EML6: variants seen among roughly 807,000 people sequenced by gnomAD.
EML6 encodes the protein EMAP like 6, also known as echinoderm microtubule-associated protein-like 6.
A neutral mutation model predicts 240.1 loss-of-function variants in EML6; 154 were observed. The ratio of observed to expected loss-of-function variants is 0.64; its 90% CI spans 0.56 to 0.73. EML6 has a LOEUF of 0.73. Among genes scored for constraint, EML6 ranks in the 30% least tolerant of loss-of-function variants. The pLI is 0.00. For missense variants in EML6, 2,964 were observed against 2,474.6 expected, an observed-to-expected ratio of 1.20 and a Z score of -4.20; for synonymous variants, 1,148 against 899.0, an observed-to-expected ratio of 1.28 and a Z score of -4.95.
At chr2:54,810,119 T>C (rs2578712) in intron 2 of EML6, among the ~76,000 whole-genome samples, 126,857 of 152,182 alleles carry the variant, frequency 0.83, 52,987 homozygotes, top group Middle Eastern at 0.89. Context: ...AAAAAGCTCA[T>C]TTTCTTAATG....
At chr2:54,736,260 G>A (rs1683386727) in intron 2 of EML6, among the ~76,000 whole-genome samples, 1 of 152,220 alleles carries the variant, frequency 6.6e-6, no homozygotes, top group Non-Finnish European at 1.5e-5. Flanking sequence ...ATCATTGCAG[G>A]AGTATTTCAC....
intron 25 of EML6, among the ~76,000 whole-genome samples, chr2:54,914,733 A>G (rs147472731): frequency 2.6e-5 from 4 of 152,264 alleles, no homozygotes; most frequent in Non-Finnish European, 4.4e-5. Flanking sequence ...CCAATATTAT[A>G]AGGCCCTTTG....
At chr2:54,875,025 G>T (rs980156322) in intron 16 of EML6, among the ~76,000 whole-genome samples, 1 of 152,102 alleles carries the variant, frequency 6.6e-6, no homozygotes, top group Non-Finnish European at 1.5e-5. Flanking sequence ...TCCCTTTGCC[G>T]ATGCTAGTGT....
At chr2:54,860,469 A>G (rs115288748) in intron 12 of EML6, among the ~76,000 whole-genome samples, 218 of 152,222 alleles carry the variant, frequency 1.4e-3, no homozygotes, top group African/African-American at 5.0e-3. Flanking sequence ...CTTCTAACCA[A>G]TATGCAACAG....
intron 14 of EML6, 60 bp from the exon 15 acceptor site, chr2:54,869,121 C>T (rs926227642): frequency 4.2e-5 from 50 of 1,197,994 alleles, no homozygotes; most frequent in Non-Finnish European, 5.7e-5. Context: ...TCTGACACCT[C>T]CTGCTCCATG....
chr2:54,732,050 A>G lies in EML6; in HGVS notation c.197+6792A>G, dbSNP rs374766926. Among the ~76,000 whole-genome samples the G allele has an allele frequency of 3.6e-4, 55 of 152,288 alleles. 1 individual carries two copies. The East Asian group carries it at 6.9e-3, about 19-fold the overall frequency. ...TGTGGTTTTAATTTTCATTTCCTTC[A>G]TGACTAATGATATTGATGATCTTTT... On this transcript the variant is annotated intron_variant, in intron 2 of 41. Coordinates refer to ENST00000356458, the MANE Select transcript of EML6 (RefSeq NM_001039753.4).
chr2:54,785,984 G>A (rs893953889), intron 2 of EML6, among the ~76,000 whole-genome samples: 1 of 151,836 alleles, frequency 6.6e-6, no homozygotes, highest in African/African-American at 2.4e-5. Context: ...TTAGGGCATG[G>A]TTATGGCCAG....
At chr2:54,892,701 A>T (rs1398473208) in intron 19 of EML6, 45 bp downstream of exon 19, 1 of 1,474,996 alleles carries the variant, frequency 6.8e-7, no homozygotes, top group East Asian at 2.5e-5. Context: ...CAGCCTTCTA[A>T]AATTATAAGG....
At chr2:54,795,797 C>G (rs1480372753) in intron 2 of EML6, among the ~76,000 whole-genome samples, 1 of 152,150 alleles carries the variant, frequency 6.6e-6, no homozygotes, top group Admixed American at 6.5e-5. Flanking sequence ...GCCTGATTCC[C>G]AGGTGAAAAC....
chr2:54,940,905 A>G (rs867097673), intron 28 of EML6, among the ~76,000 whole-genome samples: 4 of 152,246 alleles, frequency 2.6e-5, no homozygotes, highest in South Asian at 4.1e-4. Context: ...CACTGTGGCT[A>G]TCATGCCTAT....
chr2:54,892,716 C>G (rs1653290925), intron 19 of EML6, 60 bp downstream of exon 19: 2 of 1,350,588 alleles, frequency 1.5e-6, no homozygotes, highest in Admixed American at 2.2e-5. Flanking sequence ...ATAAGGTAGT[C>G]TTAGGATGGC....
intron 33 of EML6, among the ~76,000 whole-genome samples, chr2:54,958,798 C>A (rs1210907587): frequency 3.9e-5 from 6 of 152,142 alleles, no homozygotes; most frequent in Non-Finnish European, 8.8e-5. Context: ...TGGAGTCTGC[C>A]CCATCCCTGC....
intron 17 of EML6, among the ~76,000 whole-genome samples, chr2:54,890,043 A>T (rs189766507): frequency 8.5e-5 from 13 of 152,360 alleles, no homozygotes; most frequent in African/African-American, 3.1e-4. Context: ...AGTCTGAAGC[A>T]TCCTTTAATT....
In EML6 at chr2:54,957,801, G is replaced by A; in HGVS notation, c.4498G>A (p.Ala1500Thr). 1.3e-6 allele frequency: 2 copies of A among 1,549,840 alleles called. No individual in the cohort carries two copies. The highest frequency in any genetic ancestry group is 1.7e-6 in the Non-Finnish European group (2 of 1,146,996). Reference sequence around the variant, plus strand: ...TGTCACCCACACAGGTGCCAAGGTTGCCAGCCGAGGGGGTCACCTGGAGCG... The same window carrying A: ...TGTCACCCACACAGGTGCCAAGGTTACCAGCCGAGGGGGTCACCTGGAGCG... Reference protein sequence around the residue: ...VWRWQEGAKVASRGGHLERIF... With the variant: ...VWRWQEGAKVTSRGGHLERIF... Residue 1500 changes from alanine to threonine, a missense_variant, in exon 33 of 42, where the codon GCC becomes ACC. By Grantham distance (58) the Ala-to-Thr change is moderately conservative (BLOSUM62 0). Coordinates refer to ENST00000356458, the MANE Select transcript of EML6 (RefSeq NM_001039753.4).
chr2:54,879,530 G>T lies in EML6; in HGVS notation c.2345-17G>T, dbSNP rs1422700277. The T allele has an allele frequency of 6.6e-7, 1 of 1,521,380 alleles. No individual in the cohort carries two copies. Among genetic ancestry groups the T allele is most frequent in the Admixed American group, 2.0e-5 (1 of 50,462 alleles). 94.2% of individuals were successfully genotyped at this position (1,521,380 alleles called of 1,614,324 possible). A position where few individuals can be genotyped will look rare whatever the true frequency, so the allele number is the denominator to read the frequency against. On this transcript the variant is annotated splice_polypyrimidine_tract_variant and intron_variant, in intron 16 of 41. Transcript: ENST00000356458. The stretch of plus-strand genomic sequence containing the variant: ...TTTCATGGAAGAAATTTTGACATTT[G>T]TGTTGTTTTCATACAGCCGATGGAA...
chr2:54,896,239 G>A (rs1161266318), intron 21 of EML6, among the ~76,000 whole-genome samples: 5 of 152,124 alleles, frequency 3.3e-5, no homozygotes, highest in African/African-American at 1.2e-4. Flanking sequence ...AAGTGCCTTA[G>A]ATGTAAGTCC....
chr2:54,734,724 G>A (rs918559843), intron 2 of EML6, among the ~76,000 whole-genome samples: 1 of 152,220 alleles, frequency 6.6e-6, no homozygotes, highest in Non-Finnish European at 1.5e-5. Flanking sequence ...AACTGGTAGA[G>A]ATACTGGTGC....
At chr2:54,740,009 T>C (rs1683561846) in intron 2 of EML6, among the ~76,000 whole-genome samples, 1 of 152,124 alleles carries the variant, frequency 6.6e-6, no homozygotes, top group South Asian at 2.1e-4. Flanking sequence ...GTTTCTGACT[T>C]AGTCAGCTGG....
At chr2:54,806,131 G>A (rs1670462959) in intron 2 of EML6, among the ~76,000 whole-genome samples, 1 of 151,974 alleles carries the variant, frequency 6.6e-6, no homozygotes, top group South Asian at 2.1e-4. Flanking sequence ...ATGTGTGTAT[G>A]TATATATACA....
Sources: allele counts gnomAD v4.1 joint callset (sites outside exome capture counted in the v4.1 genomes callset), GRCh38; gene constraint gnomAD v4.1.1; transcripts MANE v1.5; gene names NCBI Gene and HGNC (gene_info 2026-07-23, HGNC 2026-07-21).